The following IFT52 variants were observed in gnomAD, a reference collection of about 807,000 sequenced individuals.
IFT52 encodes intraflagellar transport protein 52 homolog.
Under a neutral mutation model 54.4 loss-of-function variants are expected in IFT52, and 44 were observed. That is an observed-to-expected ratio of 0.81 (90% CI 0.63 to 1.04). The LOEUF (loss-of-function observed/expected upper bound fraction) is 1.04, where lower values mean the gene tolerates loss of function less well. Among genes scored for constraint, IFT52 ranks in the 50% least tolerant of loss-of-function variants. IFT52 has a pLI of 0.00. For missense variants in IFT52, 452 were observed against 523.6 expected, an observed-to-expected ratio of 0.86 and a Z score of 1.33; for synonymous variants, 181 against 185.3, an observed-to-expected ratio of 0.98 and a Z score of 0.19.
chr20:43,642,594 C>T lies in IFT52; in HGVS notation c.1236C>T (p.Phe412=). 6.2e-7 allele frequency: 1 copy of T among 1,614,132 alleles called. No homozygotes were observed. Among genetic ancestry groups the T allele is most frequent in the Middle Eastern group, 1.6e-4 (1 of 6,062 alleles). Residue 412 remains phenylalanine (F), a synonymous_variant, in exon 13 of 14, where the codon TTC becomes TTT. Coordinates refer to ENST00000373030, the MANE Select transcript of IFT52 (RefSeq NM_016004.5). ...AACATATCCTTGAGCACGTCTTCTT[C>T]CAAGTGGTGGAGTTCAAGAAATTGA... is the stretch of plus-strand genomic sequence containing the variant. ...DAKHILEHVF[F]QVVEFKKLNQ... is the part of the protein sequence containing the mutation.
chr20:43,627,476 A>G (rs554515408), intron 10 of IFT52, among the ~76,000 whole-genome samples: 100 of 152,340 alleles, frequency 6.6e-4, no homozygotes, highest in Non-Finnish European at 1.1e-3. Context: ...GACATAGCAA[A>G]CATAGATAGC....
At chr20:43,617,061 G>A (rs1055790792) in intron 7 of IFT52, among the ~76,000 whole-genome samples, 2 of 152,070 alleles carry the variant, frequency 1.3e-5, no homozygotes, top group Admixed American at 1.3e-4. Context: ...ACCGAATGAT[G>A]TGTTGGAAGC....
intron 6 of IFT52, among the ~76,000 whole-genome samples, chr20:43,607,630 G>A (rs1421461930): frequency 1.4e-4 from 21 of 146,948 alleles, no homozygotes; most frequent in Non-Finnish European, 2.2e-4. Flanking sequence ...AGATGGGATG[G>A]CGGCCGGGCA....
intron 1 of IFT52, among the ~76,000 whole-genome samples, 199 bp from the exon 2 acceptor site, chr20:43,594,494 G>A (rs1981775934): frequency 1.3e-5 from 2 of 152,052 alleles, no homozygotes; most frequent in Non-Finnish European, 2.9e-5. Flanking sequence ...GGGGAGGGCT[G>A]GGTTGGTTTT....
chr20:43,641,228 T>G (rs1382492801), intron 12 of IFT52, among the ~76,000 whole-genome samples: 1 of 152,068 alleles, frequency 6.6e-6, no homozygotes, highest in East Asian at 1.9e-4. Flanking sequence ...TGTTTTGTTT[T>G]GTTTTGTTTT....
At chr20:43,602,180 T>TTTA (rs1982515298) in intron 3 of IFT52, among the ~76,000 whole-genome samples, 1 of 151,514 alleles carries the variant, frequency 6.6e-6, no homozygotes, top group Admixed American at 6.6e-5. Context: ...TATTTATTTA[T>TTTA]TTTGAGACAG....
intron 11 of IFT52, 21 bp downstream of exon 11, chr20:43,636,034 G>T (rs959657074): frequency 2.5e-6 from 4 of 1,609,914 alleles, no homozygotes; most frequent in East Asian, 4.5e-5. Flanking sequence ...GTGCTTGGGA[G>T]ATCCCACTGC....
intron 10 of IFT52, among the ~76,000 whole-genome samples, chr20:43,624,326 AGAGTCCCAAGTCCCAGGAAAATG>A (rs1021397344): frequency 6.6e-6 from 1 of 152,162 alleles, no homozygotes; most frequent in Non-Finnish European, 1.5e-5. Context: ...TTTAGCACAG[AGAGTCCCAAGTCCCAGGAAAATG>A]GAGTCCCAAG....
Position 43,611,646 on chromosome 20 carries a change from C to T in IFT52, c.486-2204C>T, listed in dbSNP as rs372782915. Among the ~76,000 whole-genome samples the T allele has an allele frequency of 2.0e-5, 3 of 151,720 alleles. No individual in the cohort carries two copies. In the East Asian group the frequency reaches 5.8e-4, roughly 30 times the overall value. ...AGAGACAGGGCTTCACCATGTTGGCCAGGCTGGTCTTGAACTCCTAACCTC... is the reference window on the plus strand; with the variant it reads ...AGAGACAGGGCTTCACCATGTTGGCTAGGCTGGTCTTGAACTCCTAACCTC... On this transcript the variant is annotated intron_variant, in intron 6 of 13. Coordinates refer to ENST00000373030, the MANE Select transcript of IFT52 (RefSeq NM_016004.5).
At chr20:43,593,584 T>A (rs1367858611) in intron 1 of IFT52, among the ~76,000 whole-genome samples, 6 of 152,178 alleles carry the variant, frequency 3.9e-5, no homozygotes, top group Non-Finnish European at 7.3e-5. Flanking sequence ...TGTTGTTGTT[T>A]AAAGACAGGG....
chr20:43,642,312 C>G (rs1328857311), intron 12 of IFT52, 167 bp from the exon 13 acceptor site: 2 of 619,314 alleles, frequency 3.2e-6, no homozygotes, highest in Non-Finnish European at 5.6e-6. Context: ...TTAGAGAGCT[C>G]TAGGGTTTTT....
intron 4 of IFT52, 79 bp downstream of exon 4, chr20:43,603,968 G>C: frequency 8.9e-7 from 1 of 1,118,740 alleles, no homozygotes; most frequent in Non-Finnish European, 1.3e-6. Flanking sequence ...AGGTCCAGTG[G>C]CATAATGGAA....
intron 6 of IFT52, among the ~76,000 whole-genome samples, chr20:43,605,580 GT>G (rs967612210): frequency 3.4e-4 from 50 of 147,920 alleles, no homozygotes; most frequent in East Asian, 1.2e-3. Flanking sequence ...AGATTTCTAG[GT>G]TTTTTTTTTT....
Position 43,594,854 on chromosome 20 carries a change from A to T in IFT52, c.119+37A>T, listed in dbSNP as rs772307855. ...TGTATATTGTTTTCCCTTCTAAATGATATTGTCCTGCTGATAAAGCTGAGA... is the reference window on the plus strand; with the variant it reads ...TGTATATTGTTTTCCCTTCTAAATGTTATTGTCCTGCTGATAAAGCTGAGA... On this transcript the variant is annotated intron_variant, in intron 2 of 13. Transcript: ENST00000373030. The T allele has an allele frequency of 3.8e-6, 4 of 1,043,802 alleles. No homozygotes were observed. The South Asian group carries it at 5.1e-5, about 13-fold the overall frequency. The allele number at this position is 1,043,802 out of a possible 1,614,324, so 64.7% of individuals were successfully genotyped here. A position where few individuals can be genotyped will look rare whatever the true frequency, so the allele number is the denominator to read the frequency against.
intron 12 of IFT52, chr20:43,642,274 G>A (rs6031012): frequency 1.9e-6 from 1 of 526,744 alleles, no homozygotes; most frequent in South Asian, 2.7e-5. Context: ...ATTCTGATTA[G>A]GAGTGCTTTT....
rs1167772313 is a variant in IFT52 at position 43,620,908 on chromosome 20, G to A, written c.751G>A (p.Asp251Asn). 1 of 1,611,640 alleles carries A rather than the reference G, an allele frequency of 6.2e-7. No homozygotes were observed. The highest frequency in any genetic ancestry group is 1.7e-5 in the Admixed American group (1 of 59,836). ...TTGDIHLNQI[D>N]AEDPEISDYM... ...AGGAGACATCCACCTAAACCAGATT[G>A]ATGCTGAGGACCCAGAGGTAGACAC... Residue 251 changes from aspartate (D) to asparagine (N), a missense_variant, in exon 9 of 14, where the codon GAT becomes AAT. Transcript: ENST00000373030.
chr20:43,633,096 C>CG (rs1322233827), intron 10 of IFT52, among the ~76,000 whole-genome samples: 1 of 152,204 alleles, frequency 6.6e-6, no homozygotes, highest in Non-Finnish European at 1.5e-5. Flanking sequence ...TCAATCCCAG[C>CG]ACTTTGGGAG....
intron 3 of IFT52, among the ~76,000 whole-genome samples, chr20:43,600,503 A>G (rs939648578): frequency 2.6e-5 from 4 of 151,862 alleles, no homozygotes; most frequent in Non-Finnish European, 5.9e-5. Flanking sequence ...ATGGGGTTTC[A>G]CCGTGTTAGC....
At position 43,642,516 on chromosome 20, in the gene IFT52, T is replaced by C. The variant is rs1985982146; in HGVS notation, c.1158T>C (p.Cys386=). The C allele has an allele frequency of 3.1e-6, 5 of 1,614,034 alleles. No homozygotes were observed. The highest frequency in any genetic ancestry group is 1.7e-5 in the Admixed American group (1 of 59,992). ...EEDLEFYVRK[C]GDILGVTSKL... The stretch of plus-strand genomic sequence containing the variant: ...ACCTGGAATTTTATGTCAGGAAGTG[T>C]GGTGATATTCTTGGAGTAACCAGTA... Residue 386 remains cysteine, a synonymous_variant, in exon 13 of 14, where the codon TGT becomes TGC. Coordinates refer to ENST00000373030, the MANE Select transcript of IFT52 (RefSeq NM_016004.5).
Sources: gnomAD v4.1 joint callset for allele counts (sites outside exome capture counted in the v4.1 genomes callset) on GRCh38, gnomAD v4.1.1 for gene constraint, MANE v1.5 for transcripts, NCBI Gene and HGNC (gene_info 2026-07-23, HGNC 2026-07-21) for gene names.